INSR: variants seen among roughly 807,000 people sequenced by gnomAD.
The protein encoded by INSR is insulin receptor.
A neutral mutation model predicts 142.6 loss-of-function variants in INSR; 67 were observed. That is an observed-to-expected ratio of 0.47 (90% CI 0.39 to 0.58). The LOEUF is 0.58. Ranked by LOEUF, INSR falls within the 20% of genes least tolerant of loss-of-function variation. INSR has a pLI of 0.00. For synonymous variants in INSR, 756 were observed against 743.1 expected (o/e 1.02, Z -0.28); for missense variants, 1,248 against 1,833.2 (o/e 0.68, Z 5.83).
At chr19:7,253,932 G>A (rs1023927059) in intron 2 of INSR, among the ~76,000 whole-genome samples, 1 of 151,102 alleles carries the variant, frequency 6.6e-6, no homozygotes, top group Admixed American at 6.6e-5. Context: ...AGGAGGCTGA[G>A]GTAGGAGAAT....
At chr19:7,220,631 C>T (rs79674144) in intron 2 of INSR, among the ~76,000 whole-genome samples, 2,262 of 152,176 alleles carry the variant, frequency 0.015, 39 homozygotes, top group East Asian at 0.089. Context: ...TAGGTAGGTT[C>T]GGTCTTGTTA....
intron 2 of INSR, among the ~76,000 whole-genome samples, chr19:7,238,831 G>T (rs1288743533): frequency 6.6e-6 from 1 of 151,650 alleles, no homozygotes; most frequent in Non-Finnish European, 1.5e-5. Flanking sequence ...AGGAAGGGGT[G>T]GGCTTCCACT....
chr19:7,268,733 TTTG>T (rs145657345), intron 1 of INSR: 6,115 of 355,538 alleles, frequency 0.017, 398 homozygotes, highest in African/African-American at 0.13. Context: ...TATTTTGTTG[TTTG>T]TTGTTGTTGT....
chr19:7,170,666 T>G lies in INSR; in HGVS notation c.1354A>C (p.Lys452Gln), dbSNP rs770869928. The change falls in exon 6 of 22, where the codon AAA (lysine) becomes CAA (glutamine). Residue 452 changes from lysine (K) to glutamine (Q), a missense_variant. Lys to Gln is a moderately conservative substitution (Grantham distance 53). Around this residue, in one of 3 missense-constraint regions of INSR, gnomAD observed 1,069 missense variants for 1,654.0 expected, o/e 0.65. Coordinates refer to ENST00000302850, the MANE Select transcript of INSR (RefSeq NM_000208.4). ...TTGGGGTTATAGTGGAAGAAGAGTT[T>G]CCCCTGAGTGATGGTGAGGTTGTGT... ...SKHNLTITQG[K>Q]LFFHYNPKLC... The G allele has an allele frequency of 6.2e-7, 1 of 1,613,926 alleles. No individual in the cohort carries two copies. The highest frequency in any genetic ancestry group is 1.7e-5 in the Admixed American group (1 of 59,952).
chr19:7,259,360 C>T (rs781077678), intron 2 of INSR, among the ~76,000 whole-genome samples: 15 of 151,986 alleles, frequency 9.9e-5, no homozygotes, highest in South Asian at 2.1e-4. Context: ...AAGGGGTGGG[C>T]GGGGCAGTGT....
Position 7,293,928 on chromosome 19 carries a change from C to G in INSR, c.-37G>C. On this transcript the variant is annotated 5_prime_UTR_variant, in exon 1 of 22. Coordinates refer to ENST00000302850, the MANE Select transcript of INSR (RefSeq NM_000208.4). ...CGCGGGGTCTCCTCGGATCAGAGCG[C>G]GCGGCGCTGGCCCGCGGGGGTCATG... The G allele has an allele frequency of 8.5e-7, 1 of 1,176,980 alleles. No individual in the cohort carries two copies. Among genetic ancestry groups the G allele is most frequent in the Non-Finnish European group, 1.0e-6 (1 of 956,208 alleles). 72.9% of individuals were successfully genotyped at this position (1,176,980 alleles called of 1,614,324 possible).
At chr19:7,221,406 A>AAG (rs1568495397) in intron 2 of INSR, among the ~76,000 whole-genome samples, 19 of 118,586 alleles carry the variant, frequency 1.6e-4, no homozygotes, top group Non-Finnish European at 2.2e-4. Context: ...GAGGAGGAGG[A>AAG]AAGAAGAAGA....
intron 9 of INSR, among the ~76,000 whole-genome samples, chr19:7,155,126 G>A (rs1973556276): frequency 1.3e-5 from 2 of 152,098 alleles, no homozygotes; most frequent in African/African-American, 4.8e-5. Context: ...AGTCACCACT[G>A]AGACATCCTG....
chr19:7,184,868 T>C (rs1446132895), intron 2 of INSR, among the ~76,000 whole-genome samples: 1 of 152,112 alleles, frequency 6.6e-6, no homozygotes, highest in South Asian at 2.1e-4. Flanking sequence ...AGCTTGTAAA[T>C]GTTTAACAGC....
chr19:7,171,069 C>T (rs1974005930), intron 5 of INSR, among the ~76,000 whole-genome samples: 1 of 152,016 alleles, frequency 6.6e-6, no homozygotes, highest in African/African-American at 2.4e-5. Flanking sequence ...AAGCTGAGTT[C>T]AGGGAAGAGC....
chr19:7,266,386 T>C (rs1967727458), intron 2 of INSR, among the ~76,000 whole-genome samples: 1 of 147,540 alleles, frequency 6.8e-6, no homozygotes, highest in African/African-American at 2.5e-5. Flanking sequence ...AAATTATCTT[T>C]TTTTTTTTTT....
At chr19:7,187,270 C>T (rs187577396) in intron 2 of INSR, among the ~76,000 whole-genome samples, 9 of 150,510 alleles carry the variant, frequency 6.0e-5, no homozygotes, top group Non-Finnish European at 8.9e-5. Context: ...TTAGTAGAGA[C>T]GGGGTTTCAC....
chr19:7,250,061 AG>A (rs1429522040), intron 2 of INSR, among the ~76,000 whole-genome samples: 1 of 152,014 alleles, frequency 6.6e-6, no homozygotes, highest in Non-Finnish European at 1.5e-5. Flanking sequence ...CTGGAGGCTG[AG>A]GTGGGAGGAT....
At chr19:7,278,434 C>T (rs1968119968) in intron 1 of INSR, among the ~76,000 whole-genome samples, 2 of 152,186 alleles carry the variant, frequency 1.3e-5, no homozygotes, top group Admixed American at 1.3e-4. Context: ...GAGAGAAAGG[C>T]AGATACCCAA....
Position 7,125,132 on chromosome 19 carries a change from C to G in INSR, c.3258+151G>C. 1.1e-6 allele frequency: 1 copy of G among 905,482 alleles called. No homozygotes were observed. Among genetic ancestry groups the G allele is most frequent in the Admixed American group, 2.0e-5 (1 of 50,352 alleles). The allele number at this position is 905,482 out of a possible 1,614,324, so 56.1% of individuals were successfully genotyped here. A position where few individuals can be genotyped will look rare whatever the true frequency, so the allele number is the denominator to read the frequency against. On this transcript the variant is annotated intron_variant, in intron 17 of 21. Transcript: ENST00000302850. The surrounding 1 kb of genome is among the most constrained non-coding windows in gnomAD (Gnocchi z 4.9). ...ATGGGATTTGAGAAGGGAATGATCCCTCCTCACACCTCTAGGATGGGAAGC... is the reference window on the plus strand; with the variant it reads ...ATGGGATTTGAGAAGGGAATGATCCGTCCTCACACCTCTAGGATGGGAAGC...
At position 7,116,997 on chromosome 19, in the gene INSR, T is replaced by C; in HGVS notation, c.*59A>G. On this transcript the variant is annotated 3_prime_UTR_variant, in exon 22 of 22. Coordinates refer to ENST00000302850, the MANE Select transcript of INSR (RefSeq NM_000208.4). ...AGAATCCTGAGTTTTCCAGAGGCTT[T>C]CAAACCAGAGGAAAGCGAAAATGGG... is the stretch of plus-strand genomic sequence containing the variant. 1.5e-6 allele frequency: 2 copies of C among 1,347,702 alleles called. No homozygotes were observed. The highest frequency in any genetic ancestry group is 1.1e-6 in the Non-Finnish European group (1 of 937,322). The allele number at this position is 1,347,702 out of a possible 1,614,324, so 83.5% of individuals were successfully genotyped here. A position where few individuals can be genotyped will look rare whatever the true frequency, so the allele number is the denominator to read the frequency against.
chr19:7,189,154 G>A (rs1974510992), intron 2 of INSR, among the ~76,000 whole-genome samples: 1 of 143,032 alleles, frequency 7.0e-6, no homozygotes, highest in Admixed American at 7.4e-5. Context: ...GACCCACGGA[G>A]TTCCAGCACT....
intron 15 of INSR, among the ~76,000 whole-genome samples, chr19:7,127,946 G>A (rs1453247545): frequency 6.6e-6 from 1 of 151,952 alleles, no homozygotes; most frequent in Non-Finnish European, 1.5e-5. Flanking sequence ...GTTTCACCAT[G>A]TTGGTCAGGC....
At chr19:7,274,212 G>A (rs963708139) in intron 1 of INSR, among the ~76,000 whole-genome samples, 1 of 151,860 alleles carries the variant, frequency 6.6e-6, no homozygotes, top group African/African-American at 2.4e-5. Context: ...TAAGGAGCAG[G>A]CAACCTAGAT....
Sources: allele counts gnomAD v4.1 joint callset (sites outside exome capture counted in the v4.1 genomes callset), GRCh38; gene constraint gnomAD v4.1.1; regional missense constraint gnomAD v4.1.1; non-coding constraint Gnocchi (gnomAD v3.1); transcripts MANE v1.5; gene names NCBI Gene and HGNC (gene_info 2026-07-23, HGNC 2026-07-21).